Variants in SOX5 observed in about 807,000 individuals in gnomAD.
SOX5 encodes the protein SRY-box transcription factor 5.
SOX5 carries 9 observed loss-of-function variants against 92.0 expected under a neutral mutation model. The observed-to-expected ratio is 0.10, with a 90% CI of 0.06 to 0.17. The LOEUF (loss-of-function observed/expected upper bound fraction) is 0.17. Among genes scored for constraint, SOX5 ranks in the 10% least tolerant of loss-of-function variants. The pLI, the probability that SOX5 is intolerant of heterozygous loss-of-function variation, is 1.00. For synonymous variants in SOX5, 344 were observed against 336.3 expected (o/e 1.02, Z -0.25); for missense variants, 642 against 944.5 (o/e 0.68, Z 4.20).
chr12:24,478,561 C>G (rs1945633916), intron 1 of SOX5, among the ~76,000 whole-genome samples: 1 of 152,202 alleles, frequency 6.6e-6, no homozygotes, highest in Non-Finnish European at 1.5e-5. Context: ...CTAAACTGAG[C>G]TTATTACTGT....
intron 1 of SOX5, among the ~76,000 whole-genome samples, chr12:24,433,456 A>T (rs4963759): frequency 0.57 from 86,454 of 152,012 alleles, 25,164 homozygotes; most frequent in East Asian, 0.97. Flanking sequence ...AGATGAACTA[A>T]GTTTGTCTTG....
chr12:24,095,460 T>TTTATTTAA (rs1555507782), intron 4 of SOX5, among the ~76,000 whole-genome samples: 2 of 148,340 alleles, frequency 1.3e-5, no homozygotes, highest in Admixed American at 6.8e-5. Flanking sequence ...TATTTATTTA[T>TTTATTTAA]TTAATTTTAT....
intron 9 of SOX5, chr12:23,582,320 G>T (rs1950157052): frequency 1.0e-6 from 1 of 981,290 alleles, no homozygotes; most frequent in African/African-American, 1.8e-5. Context: ...GTATCATGAG[G>T]ATCTATAAAG....
intron 3 of SOX5, among the ~76,000 whole-genome samples, chr12:23,798,611 A>C (rs1482040080): frequency 2.0e-5 from 3 of 151,652 alleles, no homozygotes; most frequent in African/African-American, 7.3e-5. Flanking sequence ...AAAAAAAAAA[A>C]AAAAACCAGT....
intron 4 of SOX5, among the ~76,000 whole-genome samples, chr12:23,747,630 G>A (rs1016177674): frequency 4.0e-5 from 6 of 151,838 alleles, no homozygotes; most frequent in Non-Finnish European, 8.8e-5. Context: ...AAGACTCTTC[G>A]CCCAGACCCA....
chr12:23,833,574 G>C lies in SOX5; in HGVS notation c.481+12409C>G, dbSNP rs755402307. Among the ~76,000 whole-genome samples the C allele has an allele frequency of 5.4e-4, 82 of 151,900 alleles. 2 individuals are homozygous for C. Among genetic ancestry groups the C allele is most frequent in the Admixed American group, 3.8e-3 (58 of 15,200 alleles). On this transcript the variant is annotated intron_variant, in intron 3 of 14. Transcript: ENST00000451604. ...TCTTAGAGAAGTATGCAGTATTAAA[G>C]TCATTTAAAAGATTAATGTAAATAT...
chr12:24,360,948 C>T (rs938640511), intron 2 of SOX5, among the ~76,000 whole-genome samples: 1 of 152,162 alleles, frequency 6.6e-6, no homozygotes, highest in Admixed American at 6.5e-5. Context: ...AGAGGGCACT[C>T]CGTCCTTCTT....
intron 4 of SOX5, among the ~76,000 whole-genome samples, chr12:24,091,447 T>TTTTTTGG (rs71059972): frequency 7.1e-6 from 1 of 141,394 alleles, no homozygotes; most frequent in Non-Finnish European, 1.6e-5. Context: ...TTTTTTTTTT[T>TTTTTTGG]GAGATGGAGT....
At chr12:23,685,679 G>A (rs970597154) in intron 6 of SOX5, among the ~76,000 whole-genome samples, 1 of 147,842 alleles carries the variant, frequency 6.8e-6, no homozygotes, top group Non-Finnish European at 1.5e-5. Context: ...AGCTTAGCAC[G>A]GGAAGCTCAG....
intron 4 of SOX5, among the ~76,000 whole-genome samples, chr12:24,111,125 A>G (rs1266053943): frequency 2.6e-5 from 4 of 152,018 alleles, no homozygotes; most frequent in Admixed American, 2.6e-4. Context: ...CCAACTGGGA[A>G]AAGCAAAAAT....
At chr12:23,789,626 A>G (rs1159309441) in intron 3 of SOX5, among the ~76,000 whole-genome samples, 1 of 152,152 alleles carries the variant, frequency 6.6e-6, no homozygotes, top group African/African-American at 2.4e-5. Context: ...TAAAATTCTC[A>G]GGATAATTTA....
At chr12:23,603,622 T>C (rs1388238970) in intron 9 of SOX5, among the ~76,000 whole-genome samples, 2 of 151,636 alleles carry the variant, frequency 1.3e-5, no homozygotes, top group Non-Finnish European at 2.9e-5. Context: ...TTATACAATA[T>C]CATTTAAGCA....
At chr12:24,480,883 G>A (rs1945914718) in intron 1 of SOX5, among the ~76,000 whole-genome samples, 1 of 152,096 alleles carries the variant, frequency 6.6e-6, no homozygotes, top group Non-Finnish European at 1.5e-5. Context: ...GCTAGCATAT[G>A]ATCCAGCCAT....
intron 4 of SOX5, among the ~76,000 whole-genome samples, chr12:24,011,705 G>A (rs978348543): frequency 4.5e-4 from 68 of 152,096 alleles, no homozygotes; most frequent in African/African-American, 1.2e-3. Context: ...ACAGGTTAAC[G>A]GCGACCATTC....
At chr12:23,726,175 G>GAGAGAGAGAGAGAGAGAGAGAT (rs1593717537) in intron 6 of SOX5, among the ~76,000 whole-genome samples, 1 of 132,280 alleles carries the variant, frequency 7.6e-6, no homozygotes, top group Non-Finnish European at 1.6e-5. Context: ...GAGAGAGAGA[G>GAGAGAGAGAGAGAGAGAGAGAT]GTCAGTTTCT....
At chr12:24,315,388 G>C (rs1167095066) in intron 2 of SOX5, among the ~76,000 whole-genome samples, 1 of 118,652 alleles carries the variant, frequency 8.4e-6, no homozygotes, top group Non-Finnish European at 2.1e-5. Flanking sequence ...AAAAGTTAAA[G>C]AGATTAAGAG....
intron 2 of SOX5, among the ~76,000 whole-genome samples, chr12:24,367,205 G>A (rs947055553): frequency 8.5e-5 from 13 of 152,078 alleles, no homozygotes; most frequent in South Asian, 2.1e-4. Context: ...CTATGAGCTG[G>A]CTCTATAAAT....
chr12:24,004,481 G>C (rs966673881), intron 4 of SOX5, among the ~76,000 whole-genome samples: 3 of 151,980 alleles, frequency 2.0e-5, no homozygotes, highest in Non-Finnish European at 4.4e-5. Context: ...CATCAAAGAA[G>C]ATGCACAAGG....
At chr12:23,835,108 C>T (rs897251630) in intron 3 of SOX5, among the ~76,000 whole-genome samples, 8 of 151,802 alleles carry the variant, frequency 5.3e-5, no homozygotes, top group Admixed American at 2.0e-4. Context: ...GCTGGACACC[C>T]GGAAGTAGAG....
Sources: allele counts gnomAD v4.1 joint callset (sites outside exome capture counted in the v4.1 genomes callset), GRCh38; gene constraint gnomAD v4.1.1; transcripts MANE v1.5; gene names NCBI Gene and HGNC (gene_info 2026-07-23, HGNC 2026-07-21).